The following KDM2B variants were observed in gnomAD, a reference collection of about 807,000 sequenced individuals.
KDM2B encodes the protein lysine-specific demethylase 2B.
In KDM2B, 26 loss-of-function variants were observed where a neutral mutation model predicts 150.0. The ratio of observed to expected loss-of-function variants is 0.17; its 90% CI spans 0.13 to 0.24. KDM2B has a LOEUF of 0.24. Ranked by LOEUF, KDM2B falls within the 10% of genes least tolerant of loss-of-function variation. The pLI is 1.00. For synonymous variants in KDM2B, 734 were observed against 729.5 expected (o/e 1.01, Z -0.10); for missense variants, 1,265 against 1,816.9 (o/e 0.70, Z 5.52).
rs782678279 is a variant in KDM2B at position 121,580,769 on chromosome 12, C to T, written c.126+17G>A. 6.8e-6 allele frequency: 11 copies of T among 1,612,344 alleles called. No homozygotes were observed. The African/African-American group carries it at 1.5e-4, about 22-fold the overall frequency. ...CCCCTCTTCCTCTTCTTTCATCCAC[C>T]CCTCCCCCAACATTACCTGTGTGGC... On this transcript the variant is annotated intron_variant, in intron 1 of 22. Coordinates refer to ENST00000377071, the MANE Select transcript of KDM2B (RefSeq NM_032590.5).
At chr12:121,437,883 G>C (rs929315424) in intron 22 of KDM2B, among the ~76,000 whole-genome samples, 2 of 135,868 alleles carry the variant, frequency 1.5e-5, no homozygotes, top group Non-Finnish European at 3.3e-5. Flanking sequence ...CCGATGAGAG[G>C]GGAATTTTTT....
At chr12:121,496,016 G>A (rs782210425) in intron 11 of KDM2B, among the ~76,000 whole-genome samples, 2 of 151,912 alleles carry the variant, frequency 1.3e-5, no homozygotes, top group Non-Finnish European at 2.9e-5. Context: ...TTGTGTGGCT[G>A]GACTTTAGAA....
In KDM2B at chr12:121,429,711, C is replaced by A. The variant is rs1332920080; in HGVS notation, c.*577G>T. On this transcript the variant is annotated 3_prime_UTR_variant, in exon 23 of 23. Transcript: ENST00000377071. The stretch of plus-strand genomic sequence containing the variant: ...GTCGATGAAGTACACGTTAAATTCT[C>A]TCCTACCTTAAGGAAATCAGGAAAA... 3 of 413,582 alleles carry A rather than the reference C, an allele frequency of 7.3e-6. No individual in the cohort carries two copies. The highest frequency in any genetic ancestry group is 1.3e-5 in the Non-Finnish European group (3 of 233,086). The allele number at this position is 413,582 out of a possible 1,614,324, so 25.6% of individuals were successfully genotyped here. A position where few individuals can be genotyped will look rare whatever the true frequency, so the allele number is the denominator to read the frequency against.
intron 3 of KDM2B, among the ~76,000 whole-genome samples, 174 bp from the exon 4 acceptor site, chr12:121,574,767 G>A (rs1261149612): frequency 2.0e-5 from 3 of 152,114 alleles, no homozygotes; most frequent in African/African-American, 7.2e-5. Context: ...CTCCAGGGAG[G>A]GTCACCCCAG....
At chr12:121,422,917 G>C in the KDM2B span, among the ~76,000 whole-genome samples, 2 of 102,540 alleles carry the variant, frequency 2.0e-5, no homozygotes, top group Non-Finnish European at 3.6e-5. Flanking sequence ...CTTTCCTAAG[G>C]GGGAACTAAG....
intron 4 of KDM2B, among the ~76,000 whole-genome samples, chr12:121,554,390 T>A (rs571971432): frequency 6.6e-6 from 1 of 151,398 alleles, no homozygotes; most frequent in East Asian, 1.9e-4. Context: ...ATCATGATAC[T>A]TGCCCTTTGT....
intron 11 of KDM2B, among the ~76,000 whole-genome samples, chr12:121,505,153 G>C (rs1193176471): frequency 5.4e-5 from 8 of 148,418 alleles, no homozygotes; most frequent in African/African-American, 1.8e-4. Context: ...AGGTGTGGTA[G>C]CACATGCCTG....
intron 13 of KDM2B, among the ~76,000 whole-genome samples, chr12:121,451,122 C>G (rs1282026318): frequency 6.6e-6 from 1 of 151,922 alleles, no homozygotes; most frequent in Non-Finnish European, 1.5e-5. Context: ...CCCCTTCTAC[C>G]TCCTCCATCT....
intron 12 of KDM2B, among the ~76,000 whole-genome samples, chr12:121,466,648 C>T (rs1879997526): frequency 6.6e-6 from 1 of 150,762 alleles, no homozygotes; most frequent in Non-Finnish European, 1.5e-5. Flanking sequence ...GACAAAAGCT[C>T]GGGCCGTCGG....
intron 6 of KDM2B, chr12:121,536,066 G>A: frequency 2.0e-6 from 2 of 985,944 alleles, no homozygotes; most frequent in Non-Finnish European, 2.4e-6. Context: ...GGGGAAGAGG[G>A]AAGGAATGGG....
chr12:121,416,495 C>G, the KDM2B span: 7 of 714,440 alleles, frequency 9.8e-6, no homozygotes, highest in African/African-American at 1.8e-5. Flanking sequence ...AAGCTTAGTT[C>G]CATTAGCCAT....
intron 4 of KDM2B, among the ~76,000 whole-genome samples, chr12:121,556,398 CCT>C (rs1424543205): frequency 6.6e-6 from 1 of 152,090 alleles, no homozygotes; most frequent in Non-Finnish European, 1.5e-5. Context: ...GCACCTCCCT[CCT>C]CTCTCTCTTG....
chr12:121,495,248 C>T (rs1170342722), intron 11 of KDM2B, among the ~76,000 whole-genome samples: 2 of 151,966 alleles, frequency 1.3e-5, no homozygotes, highest in African/African-American at 2.4e-5. Context: ...GCAACTTCTG[C>T]CTCTTGGGTT....
Position 121,443,771 on chromosome 12 carries a change from G to C in KDM2B, c.2474C>G (p.Pro825Arg). 6.2e-7 allele frequency: 1 copy of C among 1,606,900 alleles called. No homozygotes were observed. The highest frequency in any genetic ancestry group is 1.1e-5 in the South Asian group (1 of 90,652). ...CGGCGAGAGGTGAGAGGAGGAACCG[G>C]GGGACGTTTGAAGCGATGAGGCCTA... is the stretch of plus-strand genomic sequence containing the variant. ...RKRASSLQTS[P>R]GSSSHLSPRP... Residue 825 changes from proline to arginine, a missense_variant, in exon 17 of 23, where the codon CCC becomes CGC. This residue lies in a region of KDM2B where 418 missense variants were observed against 402.4 expected (regional missense o/e 1.04). Coordinates refer to ENST00000377071, the MANE Select transcript of KDM2B (RefSeq NM_032590.5).
intron 4 of KDM2B, among the ~76,000 whole-genome samples, chr12:121,563,859 T>C (rs945754794): frequency 6.6e-6 from 1 of 151,438 alleles, no homozygotes; most frequent in African/African-American, 2.4e-5. Flanking sequence ...ATCACACCAC[T>C]GCACTCCATA....
chr12:121,551,677 C>T (rs1555311834), intron 4 of KDM2B, among the ~76,000 whole-genome samples: 4 of 152,136 alleles, frequency 2.6e-5, no homozygotes, highest in Non-Finnish European at 5.9e-5. Flanking sequence ...CTCAGCCTCC[C>T]GAGCAGCTGG....
chr12:121,413,219 G>A, the KDM2B span, among the ~76,000 whole-genome samples: 6 of 150,998 alleles, frequency 4.0e-5, no homozygotes, highest in Non-Finnish European at 2.9e-5. Context: ...TAGAGACGGC[G>A]TTTCGCCATG....
intron 11 of KDM2B, among the ~76,000 whole-genome samples, chr12:121,499,110 ATTTT>A (rs68098990): frequency 7.6e-6 from 1 of 131,090 alleles, no homozygotes. Context: ...CAGTCAATAA[ATTTT>A]TTTTTTTTTT....
chr12:121,451,138 G>A (rs985761499), intron 13 of KDM2B, among the ~76,000 whole-genome samples: 11 of 151,238 alleles, frequency 7.3e-5, no homozygotes, highest in African/African-American at 2.7e-4. Flanking sequence ...CATCTCTTCT[G>A]CCTCTGCCAC....
Sources: allele counts gnomAD v4.1 joint callset (sites outside exome capture counted in the v4.1 genomes callset), GRCh38; gene constraint gnomAD v4.1.1; regional missense constraint gnomAD v4.1.1; transcripts MANE v1.5; gene names NCBI Gene and HGNC (gene_info 2026-07-23, HGNC 2026-07-21).